Variants in CSMD1 observed in about 807,000 individuals in gnomAD.
CSMD1 encodes CUB and sushi domain-containing protein 1.
A neutral mutation model predicts 417.5 loss-of-function variants in CSMD1; 213 were observed. The ratio of observed to expected loss-of-function variants is 0.51; its 90% CI spans 0.46 to 0.57. CSMD1 has a LOEUF of 0.57. Among genes scored for constraint, CSMD1 ranks in the 20% least tolerant of loss-of-function variants. CSMD1 has a pLI of 0.00. For synonymous variants in CSMD1, 2,862 were observed against 1,736.8 expected (o/e 1.65, Z -16.11); for missense variants, 6,923 against 4,529.7 (o/e 1.53, Z -15.17).
chr8:4,769,597 A>C (rs916508256), intron 1 of CSMD1, among the ~76,000 whole-genome samples: 3 of 152,252 alleles, frequency 2.0e-5, no homozygotes, highest in Non-Finnish European at 2.9e-5. Flanking sequence ...ATTGTAAATT[A>C]ATGAATATTC....
In CSMD1 at chr8:4,576,598, G is replaced by A. The variant is rs1368158113; in HGVS notation, c.302+60744C>T. Among the ~76,000 whole-genome samples, 3 of 152,064 alleles carry A rather than the reference G, an allele frequency of 2.0e-5. No individual in the cohort carries two copies. In the South Asian group the frequency reaches 6.2e-4, roughly 32 times the overall value. Reference sequence around the variant, plus strand: ...GTGGCGTTGGGTTATTGTCCATCCAGTATCTAGCTTACTCTGTATATATAT... The same window carrying A: ...GTGGCGTTGGGTTATTGTCCATCCAATATCTAGCTTACTCTGTATATATAT... On this transcript the variant is annotated intron_variant, in intron 2 of 69. Coordinates refer to ENST00000635120, the MANE Select transcript of CSMD1 (RefSeq NM_033225.6).
intron 1 of CSMD1, among the ~76,000 whole-genome samples, chr8:4,747,599 T>A (rs776219484): frequency 1.2e-4 from 19 of 152,220 alleles, no homozygotes; most frequent in Non-Finnish European, 2.4e-4. Context: ...CTGAATGTTG[T>A]GCTTCTCTCT....
At chr8:3,649,532 C>G (rs185966549) in intron 7 of CSMD1, among the ~76,000 whole-genome samples, 2 of 152,212 alleles carry the variant, frequency 1.3e-5, no homozygotes, top group Admixed American at 1.3e-4. Context: ...AGCAAGGCAC[C>G]TTCTTCACAA....
chr8:4,060,922 G>C (rs1164143748), intron 3 of CSMD1, among the ~76,000 whole-genome samples: 1 of 152,138 alleles, frequency 6.6e-6, no homozygotes, highest in East Asian at 1.9e-4. Context: ...ATTTGCAGTA[G>C]AAGAAACCAA....
chr8:3,175,470 C>CT (rs202031855), intron 37 of CSMD1, among the ~76,000 whole-genome samples: 67,475 of 119,782 alleles, frequency 0.56, 17,314 homozygotes, highest in Admixed American at 0.65. Flanking sequence ...TTCCTTCCTT[C>CT]TTTTCCCTTC....
Position 3,139,099 on chromosome 8 carries a change from T to C in CSMD1, c.6241+3366A>G, listed in dbSNP as rs937110907. ...TGGAGGATAAGCTGGGAAGCAAAACTGCGAGCTCAGCTTCGGGCACATGTT... is the reference window on the plus strand; with the variant it reads ...TGGAGGATAAGCTGGGAAGCAAAACCGCGAGCTCAGCTTCGGGCACATGTT... On this transcript the variant is annotated intron_variant, in intron 41 of 69. Coordinates refer to ENST00000635120, the MANE Select transcript of CSMD1 (RefSeq NM_033225.6). Among the ~76,000 whole-genome samples the C allele has an allele frequency of 3.9e-5, 6 of 152,148 alleles. 1 individual carries two copies. The highest frequency in any genetic ancestry group is 1.3e-4 in the Admixed American group (2 of 15,282).
chr8:4,716,608 A>G (rs752888920), intron 1 of CSMD1, among the ~76,000 whole-genome samples: 12 of 152,214 alleles, frequency 7.9e-5, no homozygotes, highest in African/African-American at 1.2e-4. Context: ...GAGTAGCAGA[A>G]TATGGATTAA....
At chr8:3,631,860 T>TC (rs903953193) in intron 7 of CSMD1, among the ~76,000 whole-genome samples, 84 of 152,030 alleles carry the variant, frequency 5.5e-4, no homozygotes, top group African/African-American at 1.9e-3. Flanking sequence ...AAACGTGAAT[T>TC]CCCCCCTGGT....
chr8:3,316,823 C>G (rs191639149), intron 23 of CSMD1, among the ~76,000 whole-genome samples: 2 of 151,986 alleles, frequency 1.3e-5, no homozygotes, highest in South Asian at 2.1e-4. Context: ...GAAGACTGCA[C>G]AGGAAACTGA....
At chr8:4,199,459 G>C (rs1799524996) in intron 3 of CSMD1, among the ~76,000 whole-genome samples, 1 of 152,112 alleles carries the variant, frequency 6.6e-6, no homozygotes, top group Non-Finnish European at 1.5e-5. Context: ...TCAGTTTCCT[G>C]AGAAACTCCA....
intron 2 of CSMD1, among the ~76,000 whole-genome samples, chr8:4,423,057 TA>T (rs575346424): frequency 6.6e-6 from 1 of 151,776 alleles, no homozygotes; most frequent in Admixed American, 6.6e-5. Flanking sequence ...TCTACAAAAA[TA>T]AAAAAAATTT....
intron 1 of CSMD1, among the ~76,000 whole-genome samples, chr8:4,956,184 G>A (rs987368729): frequency 6.6e-6 from 1 of 151,724 alleles, no homozygotes; most frequent in Non-Finnish European, 1.5e-5. Context: ...TTCTACTTGG[G>A]GCCACTGGAG....
intron 10 of CSMD1, among the ~76,000 whole-genome samples, chr8:3,543,406 G>C (rs1475119023): frequency 6.6e-6 from 1 of 152,172 alleles, no homozygotes; most frequent in Non-Finnish European, 1.5e-5. Flanking sequence ...GTTGAGAACA[G>C]AATGAACAGG....
At chr8:4,560,058 C>G (rs1189786041) in intron 2 of CSMD1, among the ~76,000 whole-genome samples, 1 of 152,224 alleles carries the variant, frequency 6.6e-6, no homozygotes, top group Non-Finnish European at 1.5e-5. Flanking sequence ...CCCTTGGGGT[C>G]CTCGACTGCA....
chr8:3,122,854 C>T (rs1817286905), intron 41 of CSMD1, among the ~76,000 whole-genome samples: 1 of 152,130 alleles, frequency 6.6e-6, no homozygotes, highest in South Asian at 2.1e-4. Flanking sequence ...ATATAACAGT[C>T]CACCATACAG....
At chr8:4,654,251 A>G (rs1804085655) in intron 1 of CSMD1, among the ~76,000 whole-genome samples, 1 of 152,092 alleles carries the variant, frequency 6.6e-6, no homozygotes, top group South Asian at 2.1e-4. Flanking sequence ...ATTCAATTTG[A>G]ACAACAGTTC....
intron 31 of CSMD1, among the ~76,000 whole-genome samples, chr8:3,204,936 C>A (rs1354699275): frequency 6.6e-6 from 1 of 152,152 alleles, no homozygotes; most frequent in Non-Finnish European, 1.5e-5. Flanking sequence ...AGGGAAGGCC[C>A]TTCTGGAAAT....
intron 1 of CSMD1, among the ~76,000 whole-genome samples, chr8:4,646,076 T>C (rs886752568): frequency 2.6e-5 from 4 of 152,252 alleles, no homozygotes; most frequent in Non-Finnish European, 5.9e-5. Context: ...GGTGACAATC[T>C]AAACCTGAGT....
At chr8:3,565,216 A>ATAGATAGATAGATAGATG (rs1563159005) in intron 10 of CSMD1, among the ~76,000 whole-genome samples, 2 of 138,686 alleles carry the variant, frequency 1.4e-5, no homozygotes, top group Admixed American at 8.9e-5. Flanking sequence ...ATAGATAGAG[A>ATAGATAGATAGATAGATG]GATAGACAGA....
Sources: allele counts gnomAD v4.1 joint callset (sites outside exome capture counted in the v4.1 genomes callset), GRCh38; gene constraint gnomAD v4.1.1; transcripts MANE v1.5; gene names NCBI Gene and HGNC (gene_info 2026-07-23, HGNC 2026-07-21).